The following GAK variants were observed in gnomAD, a reference collection of about 807,000 sequenced individuals.
GAK encodes cyclin-G-associated kinase.
In GAK, 79 loss-of-function variants were observed where a neutral mutation model predicts 143.9. The observed-to-expected ratio is 0.55, with a 90% CI of 0.46 to 0.66. GAK has a LOEUF of 0.66. Ranked by LOEUF, GAK falls within the 30% of genes least tolerant of loss-of-function variation. The probability of loss-of-function intolerance (pLI) is 0.00; values close to 1 mark genes in which losing one functional copy is unlikely to be tolerated. For synonymous variants in GAK, 881 were observed against 765.5 expected (o/e 1.15, Z -2.49); for missense variants, 1,693 against 1,779.7 (o/e 0.95, Z 0.88).
chr4:890,697 G>A (rs552970545), intron 9 of GAK, 75 bp from the exon 10 acceptor site: 2 of 1,229,392 alleles, frequency 1.6e-6, no homozygotes, highest in South Asian at 1.3e-5. Context: ...CAGAGGTACG[G>A]TATGGGTGCC....
At chr4:891,071 C>T (rs1399029577) in intron 9 of GAK, among the ~76,000 whole-genome samples, 1 of 152,040 alleles carries the variant, frequency 6.6e-6, no homozygotes, top group African/African-American at 2.4e-5. Flanking sequence ...AATTCTCCTG[C>T]CTCAGCCTCC....
At chr4:894,172 A>G (rs1718271205) in intron 7 of GAK, 163 bp from the exon 8 acceptor site, 1 of 738,618 alleles carries the variant, frequency 1.4e-6, no homozygotes, top group South Asian at 2.4e-5. Context: ...CAGGGAACAC[A>G]GGGGTGATAT....
At chr4:915,030 C>T (rs1722878900) in intron 1 of GAK, among the ~76,000 whole-genome samples, 1 of 133,156 alleles carries the variant, frequency 7.5e-6, no homozygotes, top group Non-Finnish European at 1.6e-5. Flanking sequence ...GCCCCCAACA[C>T]ACACAGCCCC....
At chr4:882,923 TG>T in intron 13 of GAK, 104 bp from the exon 14 acceptor site, 1 of 1,459,262 alleles carries the variant, frequency 6.9e-7, no homozygotes, top group African/African-American at 1.4e-5. Flanking sequence ...CTCCGCCAGC[TG>T]GTGTCATGAA....
intron 4 of GAK, among the ~76,000 whole-genome samples, chr4:908,749 A>C (rs1167856270): frequency 6.6e-6 from 1 of 152,102 alleles, no homozygotes; most frequent in East Asian, 1.9e-4. Context: ...GAATCACTGC[A>C]CTCCAGCTTG....
chr4:930,377 C>G (rs1360913823), intron 1 of GAK, among the ~76,000 whole-genome samples: 3 of 151,930 alleles, frequency 2.0e-5, no homozygotes, highest in Non-Finnish European at 4.4e-5. Context: ...ACCTCAGCAG[C>G]TGCCCACATT....
Position 888,787 on chromosome 4 carries a change from C to CG in GAK, c.1205+59dup, listed in dbSNP as rs1471614172. On this transcript the variant is annotated intron_variant, in intron 11 of 27. Transcript: ENST00000314167. ...TCCACCGCAGCCAGGAAGCAAGGGC[C>CG]GGGGCTGCAGCCTGGAACGAGCGTG... The CG allele has an allele frequency of 1.9e-6, 3 of 1,552,008 alleles. No individual in the cohort carries two copies. In the African/African-American group the frequency reaches 4.1e-5, roughly 21 times the overall value.
intron 27 of GAK, 41 bp from the exon 28 acceptor site, chr4:849,815 C>CGGGGGCGGGGGGGGGG: frequency 1.3e-6 from 2 of 1,493,224 alleles, no homozygotes; most frequent in Non-Finnish European, 9.1e-7. Flanking sequence ...TATAAGCATG[C>CGGGGGCGGGGGGGGGG]GGGGGCGGGC....
At chr4:867,854 C>T (rs1442582122) in intron 20 of GAK, among the ~76,000 whole-genome samples, 6 of 152,238 alleles carry the variant, frequency 3.9e-5, no homozygotes, top group African/African-American at 1.4e-4. Context: ...GTTCCTGAGG[C>T]GTCTCCAGCA....
intron 11 of GAK, 95 bp downstream of exon 11, chr4:888,752 G>A: frequency 6.8e-7 from 1 of 1,469,286 alleles, no homozygotes; most frequent in African/African-American, 1.4e-5. Context: ...GGGGCCTGAT[G>A]ACCAGCTGTT....
intron 27 of GAK, 59 bp from the exon 28 acceptor site, chr4:849,833 G>GGCCGGCCCCCCCCCC: frequency 8.4e-7 from 1 of 1,190,156 alleles, no homozygotes; most frequent in Non-Finnish European, 1.2e-6. Context: ...GGCGGGGCAG[G>GGCCGGCCCCCCCCCC]ACCCCCCCCC....
chr4:891,989 C>G (rs1472952854), intron 9 of GAK, among the ~76,000 whole-genome samples: 1 of 152,202 alleles, frequency 6.6e-6, no homozygotes, highest in Non-Finnish European at 1.5e-5. Context: ...TGATGGCCGC[C>G]AGAGAGGGGC....
At chr4:897,715 C>A (rs3775124) in intron 6 of GAK, among the ~76,000 whole-genome samples, 2 of 152,044 alleles carry the variant, frequency 1.3e-5, no homozygotes, top group Non-Finnish European at 2.9e-5. Context: ...GGGAGGCTGA[C>A]GCGGGTGGAT....
intron 1 of GAK, among the ~76,000 whole-genome samples, chr4:917,444 A>C (rs1455876614): frequency 1.3e-5 from 2 of 152,240 alleles, no homozygotes; most frequent in Non-Finnish European, 2.9e-5. Context: ...AAGAGAGTAC[A>C]TATACACATA....
chr4:888,819 G>C lies in GAK; in HGVS notation c.1205+28C>G, dbSNP rs377557108. 29 of 1,587,716 alleles carry C rather than the reference G, an allele frequency of 1.8e-5. No individual in the cohort carries two copies. In the African/African-American group the frequency reaches 3.2e-4, roughly 18 times the overall value. ...GCAGCCTGGAACGAGCGTGCGGCAGGTCCAGGGCTCTGGAGCCTCACACTC... is the reference window on the plus strand; with the variant it reads ...GCAGCCTGGAACGAGCGTGCGGCAGCTCCAGGGCTCTGGAGCCTCACACTC... On this transcript the variant is annotated intron_variant, in intron 11 of 27. Coordinates refer to ENST00000314167, the MANE Select transcript of GAK (RefSeq NM_005255.4).
Position 877,666 on chromosome 4 carries a change from T to A in GAK, c.1805A>T (p.Tyr602Phe). ...RSGCRPFCEVYVGDERVASTS... is the reference protein window; with the variant it reads ...RSGCRPFCEVFVGDERVASTS... ...GCTGGCCACACGCTCGTCCCCCACG[T>A]AGACCTCGCAGAAGGGCCTGCAGCC... Residue 602 changes from tyrosine (Y) to phenylalanine (F), a missense_variant, in exon 16 of 28, where the codon TAC becomes TTC. By Grantham distance (22) the Tyr-to-Phe change is conservative. Coordinates refer to ENST00000314167, the MANE Select transcript of GAK (RefSeq NM_005255.4). The A allele has an allele frequency of 1.2e-6, 2 of 1,610,564 alleles. No homozygotes were observed. The highest frequency in any genetic ancestry group is 1.7e-6 in the Non-Finnish European group (2 of 1,178,620).
intron 12 of GAK, 28 bp downstream of exon 12, chr4:884,009 G>A (rs116675969): frequency 2.0e-4 from 320 of 1,608,668 alleles, no homozygotes; most frequent in East Asian, 3.6e-4. Context: ...GCCGGGGCGC[G>A]TCCCACAGCC....
chr4:928,530 A>G (rs1349394303), intron 1 of GAK, among the ~76,000 whole-genome samples: 2 of 152,208 alleles, frequency 1.3e-5, no homozygotes, highest in Admixed American at 6.5e-5. Context: ...ACTCTTTTCA[A>G]TAAAAGAAAA....
intron 5 of GAK, among the ~76,000 whole-genome samples, chr4:902,602 A>AAAAAAAACAAAC (rs1553889035): frequency 1.1e-4 from 17 of 149,286 alleles, no homozygotes; most frequent in Non-Finnish European, 1.5e-4. Context: ...GACTCAAAAA[A>AAAAAAAACAAAC]AAAAAAAAAA....
Sources: gnomAD v4.1 joint callset for allele counts (sites outside exome capture counted in the v4.1 genomes callset) on GRCh38, gnomAD v4.1.1 for gene constraint, MANE v1.5 for transcripts, NCBI Gene and HGNC (gene_info 2026-07-23, HGNC 2026-07-21) for gene names.